KATNIP: variants seen among roughly 807,000 people sequenced by gnomAD.
KATNIP encodes the protein katanin interacting protein.
A neutral mutation model predicts 174.0 loss-of-function variants in KATNIP; 126 were observed. That is an observed-to-expected ratio of 0.72 (90% CI 0.63 to 0.84). KATNIP has a LOEUF of 0.84. KATNIP is among the 40% of genes least tolerant of loss of function. The pLI, the probability that KATNIP is intolerant of heterozygous loss-of-function variation, is 0.00. For synonymous variants in KATNIP, 810 were observed against 835.7 expected (o/e 0.97, Z 0.53); for missense variants, 1,958 against 2,109.7 (o/e 0.93, Z 1.41).
At chr16:27,654,517 C>A in intron 6 of KATNIP, 1 of 1,137,014 alleles carries the variant, frequency 8.8e-7, no homozygotes, top group Non-Finnish European at 1.2e-6. Context: ...AGATGGGAGG[C>A]AGGGAGACCA....
chr16:27,666,443 A>G (rs2077685672), intron 6 of KATNIP, among the ~76,000 whole-genome samples: 1 of 147,494 alleles, frequency 6.8e-6, no homozygotes, highest in Non-Finnish European at 1.5e-5. Flanking sequence ...TTTTTGACAG[A>G]GTCTCACTCT....
intron 16 of KATNIP, among the ~76,000 whole-genome samples, chr16:27,750,654 G>C (rs1164623993): frequency 6.9e-6 from 1 of 144,122 alleles, no homozygotes; most frequent in Non-Finnish European, 1.5e-5. Flanking sequence ...GGATGGTCTC[G>C]ATCTCCTGAC....
chr16:27,714,236 T>A (rs994332522), intron 13 of KATNIP, among the ~76,000 whole-genome samples: 6 of 151,708 alleles, frequency 4.0e-5, no homozygotes, highest in Non-Finnish European at 7.4e-5. Context: ...TTTCATTTCT[T>A]CAGAGCACAT....
intron 13 of KATNIP, 138 bp downstream of exon 13, chr16:27,709,058 C>A: frequency 1.6e-6 from 1 of 642,772 alleles, no homozygotes; most frequent in Non-Finnish European, 2.6e-6. Flanking sequence ...GAGGCTCACA[C>A]CTGTAATCCC....
At chr16:27,733,651 G>A (rs1381072763) in intron 14 of KATNIP, among the ~76,000 whole-genome samples, 3 of 151,548 alleles carry the variant, frequency 2.0e-5, no homozygotes, top group East Asian at 3.9e-4. Context: ...TAAGACATTC[G>A]GCAGGAAGGA....
chr16:27,654,649 C>T, intron 6 of KATNIP: 1 of 1,352,002 alleles, frequency 7.4e-7, no homozygotes, highest in Non-Finnish European at 9.8e-7. Flanking sequence ...GTGGTTTTAA[C>T]TTCTCCCTTC....
rs886564723 is a variant in KATNIP at position 27,637,657 on chromosome 16, C to A, written c.408+6495C>A. Among the ~76,000 whole-genome samples the A allele has an allele frequency of 1.4e-4, 22 of 152,042 alleles. No individual in the cohort carries two copies. Among genetic ancestry groups the A allele is most frequent in the Admixed American group, 4.6e-4 (7 of 15,256 alleles). On this transcript the variant is annotated intron_variant, in intron 5 of 27. Transcript: ENST00000261588. This position sits in a 1 kb window ranked among gnomAD's most constrained non-coding sequence, Gnocchi z 4.7. ...GAGAGCAGCGGGCACTGGGCACAGG[C>A]TGAGAGGAGGCAGGGCGATCAGGAC...
chr16:27,724,155 A>C (rs189503423), intron 14 of KATNIP, among the ~76,000 whole-genome samples: 1 of 152,272 alleles, frequency 6.6e-6, no homozygotes, highest in Non-Finnish European at 1.5e-5. Context: ...TTGTGTGCTC[A>C]GAGGCTGACC....
intron 18 of KATNIP, chr16:27,754,524 G>C (rs941151333): frequency 1.3e-5 from 6 of 450,912 alleles, no homozygotes; most frequent in Non-Finnish European, 2.4e-5. Context: ...TGTGTTAGCT[G>C]TGACCATGAC....
intron 18 of KATNIP, among the ~76,000 whole-genome samples, chr16:27,760,546 C>T (rs1193362822): frequency 1.3e-5 from 2 of 152,248 alleles, no homozygotes; most frequent in East Asian, 1.9e-4. Flanking sequence ...TCTGAGCCCA[C>T]GTGAATGTTT....
At chr16:27,743,571 G>A (rs1304513635) in intron 15 of KATNIP, among the ~76,000 whole-genome samples, 1 of 152,142 alleles carries the variant, frequency 6.6e-6, no homozygotes, top group Non-Finnish European at 1.5e-5. Context: ...CTCATGGCAG[G>A]TCCTCCACAG....
chr16:27,617,859 G>A (rs1024576942), intron 2 of KATNIP, among the ~76,000 whole-genome samples: 4 of 151,994 alleles, frequency 2.6e-5, no homozygotes, highest in Admixed American at 1.3e-4. Context: ...TTCAGCCCCC[G>A]CCAAGTAGCT....
chr16:27,666,293 G>A (rs796807761), intron 6 of KATNIP, among the ~76,000 whole-genome samples: 13 of 152,300 alleles, frequency 8.5e-5, no homozygotes, highest in African/African-American at 3.1e-4. Context: ...CAGTAAGAAG[G>A]TGTCAGAAAA....
chr16:27,605,072 G>T (rs536064358), intron 2 of KATNIP, among the ~76,000 whole-genome samples: 11 of 152,130 alleles, frequency 7.2e-5, no homozygotes, highest in Non-Finnish European at 1.5e-4. Context: ...GGGATTACAG[G>T]CATGTGCCAC....
chr16:27,634,287 G>A (rs954555151), intron 5 of KATNIP, among the ~76,000 whole-genome samples: 1 of 152,158 alleles, frequency 6.6e-6, no homozygotes, highest in Non-Finnish European at 1.5e-5. Flanking sequence ...TCAGTCAGGG[G>A]TCAGTCAGTG....
chr16:27,684,291 A>G (rs75164693), intron 8 of KATNIP, among the ~76,000 whole-genome samples: 1 of 152,326 alleles, frequency 6.6e-6, no homozygotes, highest in African/African-American at 2.4e-5. Context: ...TGATGAAGCC[A>G]GTATTTGAGA....
chr16:27,720,496 C>CTTTTTTTTTTTTTTTTTTTTTT (rs56263804), intron 13 of KATNIP, among the ~76,000 whole-genome samples: 1 of 124,574 alleles, frequency 8.0e-6, no homozygotes, highest in African/African-American at 3.2e-5. Context: ...GGGTTTTGTT[C>CTTTTTTTTTTTTTTTTTTTTTT]TTTTTTTTTT....
intron 13 of KATNIP, among the ~76,000 whole-genome samples, chr16:27,721,323 G>A (rs758988116): frequency 6.6e-6 from 1 of 152,116 alleles, no homozygotes. Flanking sequence ...AGAGGGGTCC[G>A]TGTGGCAGCT....
intron 2 of KATNIP, among the ~76,000 whole-genome samples, chr16:27,612,729 A>G (rs2075927446): frequency 1.3e-5 from 2 of 152,026 alleles, no homozygotes; most frequent in Non-Finnish European, 2.9e-5. Flanking sequence ...ACTGAACTCC[A>G]GCCTGGGCAA....
Sources: allele counts gnomAD v4.1 joint callset (sites outside exome capture counted in the v4.1 genomes callset), GRCh38; gene constraint gnomAD v4.1.1; non-coding constraint Gnocchi (gnomAD v3.1); transcripts MANE v1.5; gene names NCBI Gene and HGNC (gene_info 2026-07-23, HGNC 2026-07-21).